The following PDZD2 variants were observed in gnomAD, a reference collection of about 807,000 sequenced individuals.
The protein encoded by PDZD2 is PDZ domain containing 2.
A neutral mutation model predicts 220.7 loss-of-function variants in PDZD2; 90 were observed. The ratio of observed to expected loss-of-function variants is 0.41; its 90% CI spans 0.34 to 0.49. PDZD2 has a LOEUF of 0.49. PDZD2 is among the 20% of genes least tolerant of loss of function. PDZD2 has a pLI of 0.28. For missense variants in PDZD2, 3,174 were observed against 3,608.5 expected, an observed-to-expected ratio of 0.88 and a Z score of 3.08; for synonymous variants, 1,375 against 1,450.5, an observed-to-expected ratio of 0.95 and a Z score of 1.18.
rs787912 is a variant in PDZD2 at position 31,751,156 on chromosome 5, G to A, written c.-360-47733G>A. ...ACTCGGAGGCCGAAGCAGGAGAATC[G>A]TTTGAACCCGGGAGGCGGAGATTGC... is the stretch of plus-strand genomic sequence containing the variant. On this transcript the variant is annotated intron_variant, in intron 1 of 24. Transcript: ENST00000438447. 0.034 allele frequency among the ~76,000 whole-genome samples: 5,154 copies of A among 151,214 alleles called. 399 individuals carry two copies. In the East Asian group the frequency reaches 0.34, roughly 10 times the overall value.
At chr5:31,671,884 G>C (rs1025883251) in intron 1 of PDZD2, among the ~76,000 whole-genome samples, 1 of 152,174 alleles carries the variant, frequency 6.6e-6, no homozygotes. Flanking sequence ...GAAGCTGCTG[G>C]TCTGCAGTCC....
At chr5:32,028,657 CTTCT>C (rs1561389239) in intron 6 of PDZD2, among the ~76,000 whole-genome samples, 3 of 141,210 alleles carry the variant, frequency 2.1e-5, no homozygotes, top group Non-Finnish European at 4.6e-5. Flanking sequence ...TATTTTGCTC[CTTCT>C]ATTTTTTTTT....
chr5:31,639,531 G>C lies in PDZD2; in HGVS notation c.-361+94G>C, dbSNP rs533483258. ...CACCCCCGAGACCGTGTGTGCCCAGGAAAGTTTAGCTACAAATCCGGGTGC... is the reference window on the plus strand; with the variant it reads ...CACCCCCGAGACCGTGTGTGCCCAGCAAAGTTTAGCTACAAATCCGGGTGC... On this transcript the variant is annotated intron_variant, in intron 1 of 24. Coordinates refer to ENST00000438447, the MANE Select transcript of PDZD2 (RefSeq NM_178140.4). The surrounding 1 kb of genome is among the most constrained non-coding windows in gnomAD (Gnocchi z 4.1). The C allele has an allele frequency of 6.6e-6, 1 of 152,150 alleles. No homozygotes were observed. The highest frequency in any genetic ancestry group is 6.5e-5 in the Admixed American group (1 of 15,306). The allele number at this position is 152,150 out of a possible 1,614,324, so 9.4% of individuals were successfully genotyped here.
chr5:31,788,849 C>G (rs1298966431), intron 1 of PDZD2, among the ~76,000 whole-genome samples: 1 of 152,106 alleles, frequency 6.6e-6, no homozygotes, highest in Non-Finnish European at 1.5e-5. Flanking sequence ...GTGCTTTCAC[C>G]TTTTTAAGGG....
intron 2 of PDZD2, among the ~76,000 whole-genome samples, chr5:31,981,765 A>G (rs908842862): frequency 1.3e-5 from 2 of 152,166 alleles, no homozygotes; most frequent in African/African-American, 4.8e-5. Context: ...TCCTGGGTTC[A>G]TCAGGGATTT....
At chr5:31,844,318 AG>A (rs1453810552) in intron 2 of PDZD2, among the ~76,000 whole-genome samples, 1 of 152,200 alleles carries the variant, frequency 6.6e-6, no homozygotes, top group Admixed American at 6.5e-5. Context: ...GGCAAAGGTG[AG>A]GGACTTCAAG....
At chr5:31,743,184 T>C (rs1433746025) in intron 1 of PDZD2, among the ~76,000 whole-genome samples, 2 of 147,662 alleles carry the variant, frequency 1.4e-5, no homozygotes, top group Admixed American at 7.0e-5. Flanking sequence ...TTTCTTTTTT[T>C]TTTTTTTGAT....
chr5:31,966,107 AG>A (rs1748722897), intron 2 of PDZD2, among the ~76,000 whole-genome samples: 3 of 152,194 alleles, frequency 2.0e-5, no homozygotes, highest in African/African-American at 7.2e-5. Flanking sequence ...ACAGAGGCAG[AG>A]TTGAATCCCA....
At chr5:32,006,397 A>G (rs957344232) in intron 5 of PDZD2, among the ~76,000 whole-genome samples, 1 of 134,798 alleles carries the variant, frequency 7.4e-6, no homozygotes, top group Non-Finnish European at 1.6e-5. Context: ...ATTTTTGCCC[A>G]GGCTGGAATT....
intron 2 of PDZD2, among the ~76,000 whole-genome samples, chr5:31,899,091 T>A (rs55914833): frequency 0.42 from 63,531 of 151,552 alleles, 16,282 homozygotes; most frequent in Non-Finnish European, 0.57. Context: ...CCTCCCAAAG[T>A]GCTGGGATTA....
At chr5:31,906,962 C>T (rs760799689) in intron 2 of PDZD2, among the ~76,000 whole-genome samples, 2 of 152,202 alleles carry the variant, frequency 1.3e-5, no homozygotes, top group Non-Finnish European at 2.9e-5. Flanking sequence ...TATGTCTAAA[C>T]TTTGAAAGTT....
In PDZD2 at chr5:32,110,011, G is replaced by A. The variant is rs1015854327; in HGVS notation, c.*1876G>A. The A allele has an allele frequency of 6.8e-6, 1 of 147,894 alleles. No homozygotes were observed. Among genetic ancestry groups the A allele is most frequent in the Non-Finnish European group, 1.5e-5 (1 of 67,286 alleles). 9.2% of individuals were successfully genotyped at this position (147,894 alleles called of 1,614,324 possible). A position where few individuals can be genotyped will look rare whatever the true frequency, so the allele number is the denominator to read the frequency against. On this transcript the variant is annotated 3_prime_UTR_variant, in exon 25 of 25. Transcript: ENST00000438447. ...TACAGTTACAGGTAGAATACTGTAG[G>A]AAGTCAGTGCAAGGTGCATGCTTGA...
chr5:31,641,836 C>A (rs1168572824), intron 1 of PDZD2, among the ~76,000 whole-genome samples: 2 of 152,130 alleles, frequency 1.3e-5, no homozygotes, highest in African/African-American at 2.4e-5. Context: ...ACTCACCATG[C>A]TGCCCTGGGT....
intron 1 of PDZD2, among the ~76,000 whole-genome samples, chr5:31,647,790 G>A (rs1402186875): frequency 2.0e-5 from 3 of 152,164 alleles, no homozygotes; most frequent in African/African-American, 7.2e-5. Flanking sequence ...ATCTTTTGGG[G>A]AGCTACTATT....
rs1342772039 is a variant in PDZD2 at position 31,763,255 on chromosome 5, G to A, written c.-360-35634G>A. 2.0e-5 allele frequency among the ~76,000 whole-genome samples: 3 copies of A among 152,084 alleles called. No homozygotes were observed. In the East Asian group the frequency reaches 5.8e-4, roughly 29 times the overall value. On this transcript the variant is annotated intron_variant, in intron 1 of 24. Coordinates refer to ENST00000438447, the MANE Select transcript of PDZD2 (RefSeq NM_178140.4). ...GCCCACAGAGCACCTCCCTGCCAGGGGCCACAGTCCCTAGGGCCTCCGGTA... is the reference window on the plus strand; with the variant it reads ...GCCCACAGAGCACCTCCCTGCCAGGAGCCACAGTCCCTAGGGCCTCCGGTA...
At chr5:31,803,964 A>T (rs1754561771) in intron 2 of PDZD2, among the ~76,000 whole-genome samples, 1 of 151,634 alleles carries the variant, frequency 6.6e-6, no homozygotes, top group Admixed American at 6.6e-5. Context: ...GCTTAAGCCC[A>T]GGAGGTCGAT....
intron 1 of PDZD2, among the ~76,000 whole-genome samples, chr5:31,760,936 A>T (rs1751603577): frequency 6.6e-6 from 1 of 152,150 alleles, no homozygotes; most frequent in South Asian, 2.1e-4. Flanking sequence ...AAAATAATAA[A>T]TAAATAAATA....
chr5:31,803,289 G>A (rs1323777988), intron 2 of PDZD2, among the ~76,000 whole-genome samples: 27 of 117,342 alleles, frequency 2.3e-4, no homozygotes, highest in African/African-American at 7.4e-4. Context: ...TTTTTGTAGA[G>A]ATGGTATCTT....
In PDZD2 at chr5:32,025,591, C is replaced by CTTTTTT. The variant is rs70957998; in HGVS notation, c.1408-11617_1408-11612dup. 5.3e-3 allele frequency among the ~76,000 whole-genome samples: 357 copies of CTTTTTT among 67,516 alleles called. 40 individuals carry two copies. Among genetic ancestry groups the CTTTTTT allele is most frequent in the Non-Finnish European group, 7.3e-3 (287 of 39,102 alleles). 44.3% of individuals were successfully genotyped at this position (67,516 alleles called of 152,430 possible). A position where few individuals can be genotyped will look rare whatever the true frequency, so the allele number is the denominator to read the frequency against. On this transcript the variant is annotated intron_variant, in intron 6 of 24. Coordinates refer to ENST00000438447, the MANE Select transcript of PDZD2 (RefSeq NM_178140.4). The stretch of plus-strand genomic sequence containing the variant: ...AGTGAGCCCAAATGTAACCATGATG[C>CTTTTTT]TTTTTTTTTTTTTTTTTTTTTTTTT...
Sources: gnomAD v4.1 joint callset for allele counts (sites outside exome capture counted in the v4.1 genomes callset) on GRCh38, gnomAD v4.1.1 for gene constraint, Gnocchi (gnomAD v3.1) non-coding constraint, MANE v1.5 for transcripts, NCBI Gene and HGNC (gene_info 2026-07-23, HGNC 2026-07-21) for gene names.